The following NCOR1 variants were observed in gnomAD, a reference collection of about 807,000 sequenced individuals.
NCOR1 encodes protein phosphatase 1, regulatory subunit 109.
Under a neutral mutation model 288.1 loss-of-function variants are expected in NCOR1, and 63 were observed. The ratio of observed to expected loss-of-function variants is 0.22; its 90% CI spans 0.18 to 0.27. The LOEUF (loss-of-function observed/expected upper bound fraction) is 0.27. Among genes scored for constraint, NCOR1 ranks in the 10% least tolerant of loss-of-function variants. The pLI is 1.00. For missense variants in NCOR1, 2,397 were observed against 3,019.2 expected, an observed-to-expected ratio of 0.79 and a Z score of 4.83; for synonymous variants, 1,007 against 1,065.9, an observed-to-expected ratio of 0.94 and a Z score of 1.08.
At chr17:16,111,645 A>C (rs905185943) in intron 18 of NCOR1, among the ~76,000 whole-genome samples, 5 of 151,610 alleles carry the variant, frequency 3.3e-5, no homozygotes, top group Non-Finnish European at 7.4e-5. Flanking sequence ...AAAAAAAAGA[A>C]GACATTCTGC....
intron 2 of NCOR1, among the ~76,000 whole-genome samples, chr17:16,189,711 A>C (rs1410547885): frequency 1.3e-5 from 2 of 152,204 alleles, no homozygotes; most frequent in Non-Finnish European, 2.9e-5. Flanking sequence ...AAAAAACTGG[A>C]TGTATTTTTT....
At chr17:16,044,404 A>C (rs1051198777) in intron 42 of NCOR1, 1 of 471,264 alleles carries the variant, frequency 2.1e-6, no homozygotes, top group African/African-American at 2.0e-5. Context: ...TCCACCAGGC[A>C]GTTCACAGTG....
At chr17:16,043,399 T>G (rs1362023713) in intron 42 of NCOR1, among the ~76,000 whole-genome samples, 1 of 152,070 alleles carries the variant, frequency 6.6e-6, no homozygotes, top group Non-Finnish European at 1.5e-5. Context: ...AAAATAGTTC[T>G]TGCAATAAAA....
chr17:16,213,771 A>G (rs2092343871), intron 1 of NCOR1, among the ~76,000 whole-genome samples: 1 of 152,220 alleles, frequency 6.6e-6, no homozygotes, highest in East Asian at 1.9e-4. Flanking sequence ...AGGAAACTGA[A>G]GCACAGAAAG....
chr17:16,127,970 G>C (rs948761290), intron 14 of NCOR1, among the ~76,000 whole-genome samples: 1 of 151,932 alleles, frequency 6.6e-6, no homozygotes, highest in Non-Finnish European at 1.5e-5. Flanking sequence ...TCCCACCTCA[G>C]TCTCTCAGGT....
intron 22 of NCOR1, among the ~76,000 whole-genome samples, chr17:16,090,568 T>C (rs1234094505): frequency 2.0e-5 from 3 of 152,152 alleles, no homozygotes; most frequent in African/African-American, 7.2e-5. Context: ...GATTAAGAAT[T>C]CCCTAGACCC....
intron 40 of NCOR1, among the ~76,000 whole-genome samples, chr17:16,055,811 C>A (rs2059845758): frequency 6.6e-6 from 1 of 152,038 alleles, no homozygotes; most frequent in African/African-American, 2.4e-5. Flanking sequence ...AATCACATTT[C>A]TTTTCTTTTT....
rs377589760 is a variant in NCOR1, at chr17:16,111,692, C to T, written c.2056-2780G>A. On this transcript the variant is annotated intron_variant, in intron 18 of 45. Coordinates refer to ENST00000268712, the MANE Select transcript of NCOR1 (RefSeq NM_006311.4). ...CCTTTGGGGTCCAACTGCAACTCTT[C>T]CCAGAATCTCCAATCAACCAGCCTA... Among the ~76,000 whole-genome samples the T allele has an allele frequency of 1.6e-4, 25 of 151,974 alleles. No individual in the cohort carries two copies. The South Asian group carries it at 4.6e-3, about 28-fold the overall frequency.
At chr17:16,213,001 G>T (rs1374617283) in intron 1 of NCOR1, among the ~76,000 whole-genome samples, 1 of 149,786 alleles carries the variant, frequency 6.7e-6, no homozygotes, top group Non-Finnish European at 1.5e-5. Context: ...TGAGTCCAGA[G>T]GTCAAGGCTG....
intron 40 of NCOR1, among the ~76,000 whole-genome samples, chr17:16,051,235 ACTT>A (rs1162266787): frequency 1.3e-5 from 2 of 152,034 alleles, no homozygotes; most frequent in African/African-American, 4.8e-5. Flanking sequence ...ACATACCCTT[ACTT>A]CTCCATCTCT....
At chr17:16,098,652 A>T (rs1488667212) in intron 20 of NCOR1, 156 bp from the exon 21 acceptor site, 1 of 541,448 alleles carries the variant, frequency 1.8e-6, no homozygotes, top group Non-Finnish European at 3.0e-6. Flanking sequence ...TTGGACAGTT[A>T]AGGAAAAAGG....
chr17:16,175,630 C>T (rs1392803788), intron 3 of NCOR1, among the ~76,000 whole-genome samples: 4 of 151,962 alleles, frequency 2.6e-5, no homozygotes, highest in Non-Finnish European at 4.4e-5. Context: ...GTGGCTCACA[C>T]GTTTCCCATC....
intron 1 of NCOR1, among the ~76,000 whole-genome samples, chr17:16,214,099 G>A (rs1275674436): frequency 2.6e-5 from 4 of 152,162 alleles, no homozygotes; most frequent in Non-Finnish European, 5.9e-5. Context: ...TCTCTCTCCA[G>A]TAACTTGCGG....
chr17:16,193,662 C>T (rs1028747864), intron 2 of NCOR1, among the ~76,000 whole-genome samples: 2 of 152,128 alleles, frequency 1.3e-5, no homozygotes, highest in Admixed American at 6.6e-5. Context: ...AAACTAGGAA[C>T]AGAAAGCAAC....
chr17:16,141,056 T>C (rs1199150850), intron 11 of NCOR1, among the ~76,000 whole-genome samples: 4 of 151,312 alleles, frequency 2.6e-5, no homozygotes, highest in Admixed American at 2.0e-4. Context: ...ATGTGCAATA[T>C]GTATTTAGGG....
chr17:16,049,067 T>G (rs2059001870), intron 40 of NCOR1, 79 bp from the exon 41 acceptor site: 2 of 1,402,254 alleles, frequency 1.4e-6, no homozygotes, highest in Admixed American at 2.4e-5. Flanking sequence ...TGTTAACTCA[T>G]GACTTCATTC....
Position 16,062,148 on chromosome 17 carries a change from T to A in NCOR1, c.5344A>T (p.Ser1782Cys). 1 of 1,613,806 alleles carries A rather than the reference T, an allele frequency of 6.2e-7. No individual in the cohort carries two copies. Among genetic ancestry groups the A allele is most frequent in the Non-Finnish European group, 8.5e-7 (1 of 1,179,968 alleles). Residue 1782 changes from serine to cysteine, a missense_variant, in exon 36 of 46, where the codon AGT (serine) becomes TGT (cysteine). Ser to Cys is a moderately radical substitution (Grantham distance 112). Coordinates refer to ENST00000268712, the MANE Select transcript of NCOR1 (RefSeq NM_006311.4). ...GTTGGATCCAAAGGTGTGATTACAC[T>A]GGTTCCATTGGTTCCTTGGAAAACA... ...PSVFQGTNGT[S>C]VITPLDPTAQ...
chr17:16,067,736 G>C (rs547401605), intron 32 of NCOR1, among the ~76,000 whole-genome samples, 158 bp downstream of exon 32: 1 of 152,214 alleles, frequency 6.6e-6, no homozygotes, highest in East Asian at 1.9e-4. Context: ...TCTTGATCTG[G>C]GTGCTGGTAA....
intron 1 of NCOR1, among the ~76,000 whole-genome samples, chr17:16,200,302 G>A (rs138296816): frequency 2.6e-5 from 4 of 151,638 alleles, no homozygotes; most frequent in Admixed American, 6.6e-5. Context: ...CCTGGCCAAC[G>A]TGGTAAAACT....
Sources: allele counts gnomAD v4.1 joint callset (sites outside exome capture counted in the v4.1 genomes callset), GRCh38; gene constraint gnomAD v4.1.1; transcripts MANE v1.5; gene names NCBI Gene and HGNC (gene_info 2026-07-23, HGNC 2026-07-21).